DYNC1I1: variants seen among roughly 807,000 people sequenced by gnomAD.
The protein encoded by DYNC1I1 is cytoplasmic dynein 1 intermediate chain 1.
In DYNC1I1, 43 loss-of-function variants were observed where a neutral mutation model predicts 86.6. That is an observed-to-expected ratio of 0.50 (90% CI 0.39 to 0.64). The LOEUF (loss-of-function observed/expected upper bound fraction) is 0.64, where lower values mean the gene tolerates loss of function less well. Ranked by LOEUF, DYNC1I1 falls within the 30% of genes least tolerant of loss-of-function variation. DYNC1I1 has a pLI of 0.00. For missense variants in DYNC1I1, 604 were observed against 788.8 expected, an observed-to-expected ratio of 0.77 and a Z score of 2.81; for synonymous variants, 262 against 283.7, an observed-to-expected ratio of 0.92 and a Z score of 0.77.
intron 1 of DYNC1I1, among the ~76,000 whole-genome samples, chr7:95,800,639 T>C (rs1267483115): frequency 2.0e-5 from 3 of 152,116 alleles, no homozygotes; most frequent in Admixed American, 2.0e-4. Context: ...AGTTGGCTGG[T>C]GTGTGGTGGA....
intron 10 of DYNC1I1, among the ~76,000 whole-genome samples, chr7:96,014,481 TTGG>T (rs1313935312): frequency 6.6e-6 from 1 of 152,160 alleles, no homozygotes; most frequent in Non-Finnish European, 1.5e-5. Flanking sequence ...AAGAAACCCT[TTGG>T]AAACTAAAGG....
chr7:95,956,416 G>T (rs1324061266), intron 6 of DYNC1I1, among the ~76,000 whole-genome samples: 6 of 149,414 alleles, frequency 4.0e-5, no homozygotes, highest in African/African-American at 1.2e-4. Flanking sequence ...TAAGTTCTGG[G>T]ATACATGTGC....
intron 14 of DYNC1I1, among the ~76,000 whole-genome samples, chr7:96,047,723 T>A (rs1335321766): frequency 2.0e-5 from 3 of 152,156 alleles, no homozygotes; most frequent in South Asian, 4.2e-4. Flanking sequence ...AGGAAGGATT[T>A]TATTATTATA....
intron 14 of DYNC1I1, among the ~76,000 whole-genome samples, chr7:96,039,711 C>T (rs1203881988): frequency 1.3e-5 from 2 of 152,008 alleles, no homozygotes; most frequent in African/African-American, 2.4e-5. Flanking sequence ...CCATCCACAA[C>T]ACCCCCTTCA....
chr7:95,882,341 C>T (rs140118740), intron 6 of DYNC1I1, among the ~76,000 whole-genome samples: 11 of 152,232 alleles, frequency 7.2e-5, no homozygotes, highest in African/African-American at 2.2e-4. Flanking sequence ...TTGCCAAAAC[C>T]GGGTACTTCT....
At chr7:95,949,897 G>T (rs893024533) in intron 6 of DYNC1I1, among the ~76,000 whole-genome samples, 2 of 152,086 alleles carry the variant, frequency 1.3e-5, no homozygotes, top group African/African-American at 2.4e-5. Flanking sequence ...ATAGTGCAAT[G>T]GTTAGTTTTT....
At chr7:95,974,336 A>G (rs1562960476) in intron 6 of DYNC1I1, among the ~76,000 whole-genome samples, 3 of 152,186 alleles carry the variant, frequency 2.0e-5, no homozygotes, top group Admixed American at 1.3e-4. Context: ...GTGCTCAGTC[A>G]ATATTTGTTA....
chr7:95,884,176 A>T (rs919697125), intron 6 of DYNC1I1, among the ~76,000 whole-genome samples: 9 of 152,200 alleles, frequency 5.9e-5, no homozygotes, highest in African/African-American at 2.2e-4. Context: ...TTCATTAAGT[A>T]CACAACAAAA....
chr7:95,782,298 C>T (rs1794013482), intron 1 of DYNC1I1, among the ~76,000 whole-genome samples: 1 of 152,212 alleles, frequency 6.6e-6, no homozygotes, highest in African/African-American at 2.4e-5. Flanking sequence ...AAGGGAAGGA[C>T]TTCCATGAAG....
chr7:95,883,076 A>G (rs1378609751), intron 6 of DYNC1I1, among the ~76,000 whole-genome samples: 7 of 152,214 alleles, frequency 4.6e-5, no homozygotes, highest in South Asian at 2.1e-4. Context: ...TACTTGATCA[A>G]TTAGTTATGT....
At chr7:95,936,314 G>A (rs1164885830) in intron 6 of DYNC1I1, among the ~76,000 whole-genome samples, 1 of 151,960 alleles carries the variant, frequency 6.6e-6, no homozygotes, top group Admixed American at 6.6e-5. Flanking sequence ...TGAGTTTTTA[G>A]TAATGAACCA....
chr7:95,844,498 G>A (rs1277813964), intron 5 of DYNC1I1, among the ~76,000 whole-genome samples: 2 of 152,136 alleles, frequency 1.3e-5, no homozygotes. Flanking sequence ...ATTGATGAAG[G>A]CCTGCTATGC....
intron 2 of DYNC1I1, among the ~76,000 whole-genome samples, chr7:95,806,328 T>G (rs1794700136): frequency 1.3e-5 from 2 of 152,198 alleles, no homozygotes; most frequent in African/African-American, 4.8e-5. Context: ...TTCCAAATTA[T>G]GCTGTCTGCT....
At chr7:96,105,152 A>G (rs1791196836) in intron 16 of DYNC1I1, among the ~76,000 whole-genome samples, 1 of 151,776 alleles carries the variant, frequency 6.6e-6, no homozygotes, top group Admixed American at 6.6e-5. Context: ...GTAGAAATTT[A>G]GTTTTGTATA....
intron 10 of DYNC1I1, among the ~76,000 whole-genome samples, chr7:96,000,170 CT>C (rs1317045954): frequency 6.6e-6 from 1 of 152,074 alleles, no homozygotes; most frequent in Non-Finnish European, 1.5e-5. Context: ...ACAGAAAGTT[CT>C]TTGACAATTA....
chr7:95,977,163 G>C (rs1256157729), intron 6 of DYNC1I1, among the ~76,000 whole-genome samples: 4 of 152,180 alleles, frequency 2.6e-5, no homozygotes, highest in African/African-American at 9.7e-5. Flanking sequence ...ATGTGCTCCA[G>C]GTGGAAACAT....
intron 16 of DYNC1I1, among the ~76,000 whole-genome samples, chr7:96,105,631 G>T (rs538355158): frequency 2.6e-5 from 4 of 152,078 alleles, no homozygotes; most frequent in Admixed American, 2.0e-4. Flanking sequence ...TAATGTCTTT[G>T]TCAGGTTTTA....
chr7:95,970,675 T>C (rs1034390553), intron 6 of DYNC1I1, among the ~76,000 whole-genome samples: 2 of 152,208 alleles, frequency 1.3e-5, no homozygotes, highest in Admixed American at 1.3e-4. Flanking sequence ...TGTAGTACCA[T>C]TAGTAATTTC....
At chr7:95,936,711 T>C (rs1455779001) in intron 6 of DYNC1I1, among the ~76,000 whole-genome samples, 2 of 151,900 alleles carry the variant, frequency 1.3e-5, no homozygotes, top group Non-Finnish European at 2.9e-5. Context: ...AATACGATTG[T>C]TCCAGGAGAA....
Sources: gnomAD v4.1 joint callset for allele counts (sites outside exome capture counted in the v4.1 genomes callset) on GRCh38, gnomAD v4.1.1 for gene constraint, MANE v1.5 for transcripts, NCBI Gene and HGNC (gene_info 2026-07-23, HGNC 2026-07-21) for gene names.